Variants in CDH12 observed in about 807,000 individuals in gnomAD.
The protein encoded by CDH12 is cadherin-12.
CDH12 carries 41 observed loss-of-function variants against 74.1 expected under a neutral mutation model. That is an observed-to-expected ratio of 0.55 (90% CI 0.43 to 0.72). The LOEUF (loss-of-function observed/expected upper bound fraction) is 0.72, where lower values mean the gene tolerates loss of function less well. Among genes scored for constraint, CDH12 ranks in the 30% least tolerant of loss-of-function variants. CDH12 has a pLI of 0.00. For missense variants in CDH12, 945 were observed against 977.2 expected, an observed-to-expected ratio of 0.97 and a Z score of 0.44; for synonymous variants, 399 against 355.0, an observed-to-expected ratio of 1.12 and a Z score of -1.39.
At chr5:22,030,161 G>A (rs932135495) in intron 5 of CDH12, among the ~76,000 whole-genome samples, 27 of 151,824 alleles carry the variant, frequency 1.8e-4, no homozygotes, top group African/African-American at 6.3e-4. Context: ...TATACCTAAT[G>A]CTAAATGATG....
chr5:22,570,652 T>A (rs1739495721), intron 1 of CDH12, among the ~76,000 whole-genome samples: 1 of 152,198 alleles, frequency 6.6e-6, no homozygotes, highest in African/African-American at 2.4e-5. Flanking sequence ...AGAGTAGATT[T>A]AGCATAATTC....
At chr5:21,779,103 G>C (rs771973572) in intron 11 of CDH12, among the ~76,000 whole-genome samples, 62 of 150,962 alleles carry the variant, frequency 4.1e-4, no homozygotes, top group Non-Finnish European at 6.5e-4. Context: ...ATAACTAATA[G>C]GACCAAGAAA....
At chr5:22,341,598 C>A (rs543978970) in intron 3 of CDH12, among the ~76,000 whole-genome samples, 3 of 152,254 alleles carry the variant, frequency 2.0e-5, no homozygotes, top group East Asian at 3.9e-4. Flanking sequence ...GTGGCTGCTT[C>A]AGGCTGAGCT....
At chr5:21,844,172 C>G (rs1229917732) in intron 7 of CDH12, among the ~76,000 whole-genome samples, 2 of 152,022 alleles carry the variant, frequency 1.3e-5, no homozygotes, top group Non-Finnish European at 2.9e-5. Flanking sequence ...CAAAGATCGT[C>G]TTTTCCCAAG....
intron 2 of CDH12, among the ~76,000 whole-genome samples, chr5:22,425,370 C>T (rs188751275): frequency 3.3e-5 from 5 of 151,002 alleles, no homozygotes; most frequent in East Asian, 1.9e-4. Context: ...AGTGTGTCAA[C>T]GAGTGTACTG....
At chr5:22,435,524 G>GTGTGTGTGTGTATA (rs148027987) in intron 2 of CDH12, among the ~76,000 whole-genome samples, 1 of 148,724 alleles carries the variant, frequency 6.7e-6, no homozygotes, top group African/African-American at 2.5e-5. Context: ...GTGTGTGTGT[G>GTGTGTGTGTGTATA]TATATACATA....
At position 22,129,181 on chromosome 5, in the gene CDH12, G is replaced by C. The variant is rs112544814; in HGVS notation, c.-186-50319C>G. 9.1e-3 allele frequency among the ~76,000 whole-genome samples: 1,383 copies of C among 152,288 alleles called. 25 individuals are homozygous for C. Among genetic ancestry groups the C allele is most frequent in the African/African-American group, 0.032 (1,317 of 41,588 alleles). Reference sequence around the variant, plus strand: ...AAAGGTAGTGTATTAAAGTGAGAAGGGTTAGGATTTCTTAGGTGACAGACT... The same window carrying C: ...AAAGGTAGTGTATTAAAGTGAGAAGCGTTAGGATTTCTTAGGTGACAGACT... On this transcript the variant is annotated intron_variant, in intron 4 of 14. Transcript: ENST00000382254.
At chr5:22,507,073 C>T (rs1736416669) in intron 1 of CDH12, among the ~76,000 whole-genome samples, 1 of 152,016 alleles carries the variant, frequency 6.6e-6, no homozygotes. Flanking sequence ...AGCCCATGGA[C>T]ATTTATTTTC....
At chr5:21,815,882 T>C (rs1272138523) in intron 9 of CDH12, among the ~76,000 whole-genome samples, 2 of 152,178 alleles carry the variant, frequency 1.3e-5, no homozygotes, top group East Asian at 3.9e-4. Context: ...AATTAATCTT[T>C]TGTCTATATT....
At chr5:22,664,339 T>C (rs1344229396) in intron 1 of CDH12, among the ~76,000 whole-genome samples, 1 of 152,078 alleles carries the variant, frequency 6.6e-6, no homozygotes, top group Non-Finnish European at 1.5e-5. Context: ...AAACTTACTA[T>C]CTAGGAAGAA....
chr5:22,408,003 G>A (rs897139691), intron 2 of CDH12, among the ~76,000 whole-genome samples: 2 of 152,024 alleles, frequency 1.3e-5, no homozygotes, highest in Admixed American at 1.3e-4. Flanking sequence ...TACATAGTAA[G>A]TTTTTCACAG....
At chr5:22,843,082 A>G (rs191495193) in intron 1 of CDH12, among the ~76,000 whole-genome samples, 105 of 152,222 alleles carry the variant, frequency 6.9e-4, no homozygotes, top group African/African-American at 2.2e-3. Context: ...GAGTAAATGC[A>G]TTTACAAAAA....
At chr5:22,675,060 T>C (rs1173996327) in intron 1 of CDH12, among the ~76,000 whole-genome samples, 3 of 151,576 alleles carry the variant, frequency 2.0e-5, no homozygotes, top group Admixed American at 1.3e-4. Context: ...TAACAAGGAG[T>C]CAAGTGTTAA....
chr5:21,903,539 A>G (rs137970233), intron 6 of CDH12, among the ~76,000 whole-genome samples: 3 of 152,196 alleles, frequency 2.0e-5, no homozygotes, highest in African/African-American at 4.8e-5. Context: ...TGTCTTGGAC[A>G]CCAGCCTTAG....
chr5:22,693,150 C>T (rs1441003110), intron 1 of CDH12, among the ~76,000 whole-genome samples: 2 of 152,104 alleles, frequency 1.3e-5, no homozygotes, highest in Non-Finnish European at 2.9e-5. Context: ...CTCTTGCAGC[C>T]ATGCTTTGTT....
chr5:22,356,903 C>A (rs1202813113), intron 3 of CDH12, among the ~76,000 whole-genome samples: 1 of 151,940 alleles, frequency 6.6e-6, no homozygotes, highest in Non-Finnish European at 1.5e-5. Context: ...TAGTAGCAAC[C>A]AAAATAATTT....
chr5:22,482,221 G>A (rs1580694065), intron 2 of CDH12, among the ~76,000 whole-genome samples: 3 of 152,132 alleles, frequency 2.0e-5, no homozygotes, highest in East Asian at 1.9e-4. Context: ...TAAGAAAACC[G>A]AGTTCAAAAA....
rs555331730 is a variant in CDH12 at position 21,975,811 on chromosome 5, C to T, written c.232-426G>A. On this transcript the variant is annotated intron_variant, in intron 5 of 14. Transcript: ENST00000382254. Reference sequence around the variant, plus strand: ...AAATTTTGAAAATTTGTATTTAGTTCTTCTGTATCCCTTTGGGATAACATT... The same window carrying T: ...AAATTTTGAAAATTTGTATTTAGTTTTTCTGTATCCCTTTGGGATAACATT... Among the ~76,000 whole-genome samples, 135 of 152,140 alleles carry T rather than the reference C, an allele frequency of 8.9e-4. 1 individual carries two copies. Among genetic ancestry groups the T allele is most frequent in the South Asian group, 8.7e-3 (42 of 4,824 alleles).
chr5:22,310,731 A>G (rs945532753), intron 3 of CDH12, among the ~76,000 whole-genome samples: 6 of 152,166 alleles, frequency 3.9e-5, no homozygotes, highest in African/African-American at 1.4e-4. Flanking sequence ...TTATGGCATC[A>G]ATAACAATGT....
Sources: allele counts gnomAD v4.1 joint callset (sites outside exome capture counted in the v4.1 genomes callset), GRCh38; gene constraint gnomAD v4.1.1; transcripts MANE v1.5; gene names NCBI Gene and HGNC (gene_info 2026-07-23, HGNC 2026-07-21).